The following ARMH4 variants were observed in gnomAD, a reference collection of about 807,000 sequenced individuals.
ARMH4 encodes the protein armadillo-like helical domain-containing protein 4.
In ARMH4, 49 loss-of-function variants were observed where a neutral mutation model predicts 61.9. The ratio of observed to expected loss-of-function variants is 0.79; its 90% CI spans 0.63 to 1.00. The LOEUF (loss-of-function observed/expected upper bound fraction) is 1.00, where lower values mean the gene tolerates loss of function less well. ARMH4 is among the 50% of genes least tolerant of loss of function. The pLI is 0.00. For missense variants in ARMH4, 934 were observed against 930.0 expected, an observed-to-expected ratio of 1.00 and a Z score of -0.06; for synonymous variants, 368 against 341.5, an observed-to-expected ratio of 1.08 and a Z score of -0.85.
intron 5 of ARMH4, among the ~76,000 whole-genome samples, chr14:58,078,659 G>T (rs1885125460): frequency 6.6e-6 from 1 of 152,194 alleles, no homozygotes; most frequent in South Asian, 2.1e-4. Context: ...AAATATTTTG[G>T]GTTTATGGAT....
chr14:58,125,778 C>A (rs1886876501), intron 4 of ARMH4, among the ~76,000 whole-genome samples: 1 of 152,188 alleles, frequency 6.6e-6, no homozygotes, highest in Non-Finnish European at 1.5e-5. Context: ...GTCAGCCATC[C>A]TCTCCAACAG....
At chr14:58,130,212 T>C (rs1887042112) in intron 4 of ARMH4, among the ~76,000 whole-genome samples, 1 of 152,206 alleles carries the variant, frequency 6.6e-6, no homozygotes, top group Non-Finnish European at 1.5e-5. Context: ...ATACAGTATT[T>C]ATCTTAATGT....
rs1468091763 is a variant in ARMH4, at chr14:58,018,589, T to C, written c.2090-6439A>G. Among the ~76,000 whole-genome samples, 10 of 152,168 alleles carry C rather than the reference T, an allele frequency of 6.6e-5. No individual in the cohort carries two copies. In the East Asian group the frequency reaches 1.7e-3, roughly 26 times the overall value. On this transcript the variant is annotated intron_variant, in intron 5 of 7. Transcript: ENST00000267485. ...ACAACGAGATATGAATTCACACCTATTAGAAAGGCTATTATCAAAAAGACA... is the reference window on the plus strand; with the variant it reads ...ACAACGAGATATGAATTCACACCTACTAGAAAGGCTATTATCAAAAAGACA...
At chr14:58,013,210 G>A (rs965093384) in intron 5 of ARMH4, among the ~76,000 whole-genome samples, 4 of 152,164 alleles carry the variant, frequency 2.6e-5, no homozygotes, top group Non-Finnish European at 4.4e-5. Context: ...TTTGCAGAGC[G>A]TATAGTCTCT....
chr14:58,011,999 C>A, intron 6 of ARMH4, 120 bp downstream of exon 6: 3 of 733,578 alleles, frequency 4.1e-6, no homozygotes, highest in South Asian at 1.8e-5. Context: ...TGCCCTGAAT[C>A]TTTAGATAGA....
intron 5 of ARMH4, among the ~76,000 whole-genome samples, chr14:58,018,468 C>CAA (rs71107905): frequency 1.4e-5 from 2 of 143,530 alleles, no homozygotes; most frequent in East Asian, 4.0e-4. Context: ...AGACATTTCT[C>CAA]AAAAAAAAAA....
chr14:58,132,315 C>T (rs913530699), intron 3 of ARMH4, among the ~76,000 whole-genome samples: 1 of 152,198 alleles, frequency 6.6e-6, no homozygotes, highest in African/African-American at 2.4e-5. Flanking sequence ...ATTTCAAATT[C>T]TTAAAATAAC....
intron 4 of ARMH4, among the ~76,000 whole-genome samples, chr14:58,118,579 GCCAGAAAGCCTGGCAAA>G (rs1258620792): frequency 6.6e-6 from 1 of 152,014 alleles, no homozygotes; most frequent in East Asian, 1.9e-4. Flanking sequence ...GCACTGAGGT[GCCAGAAAGCCTGGCAAA>G]GTGCCTGAAA....
At chr14:58,110,366 T>C (rs1443893800) in intron 4 of ARMH4, among the ~76,000 whole-genome samples, 1 of 152,220 alleles carries the variant, frequency 6.6e-6, no homozygotes, top group Non-Finnish European at 1.5e-5. Flanking sequence ...TCAGTATTTA[T>C]CAAGAATACA....
At chr14:58,095,522 T>C (rs1375928342) in intron 5 of ARMH4, among the ~76,000 whole-genome samples, 1 of 152,252 alleles carries the variant, frequency 6.6e-6, no homozygotes, top group African/African-American at 2.4e-5. Flanking sequence ...TATTATAATG[T>C]TTTGATACCC....
chr14:58,017,866 T>C (rs1882673263), intron 5 of ARMH4, among the ~76,000 whole-genome samples: 2 of 151,286 alleles, frequency 1.3e-5, no homozygotes, highest in South Asian at 4.1e-4. Flanking sequence ...GGCATCAAAG[T>C]ACCTAACTTC....
chr14:58,035,020 C>G (rs1308259923), intron 5 of ARMH4, among the ~76,000 whole-genome samples: 1 of 114,132 alleles, frequency 8.8e-6, no homozygotes, highest in East Asian at 3.2e-4. Context: ...ACAAGGATAC[C>G]CAGGAATTTA....
At chr14:58,029,072 C>A (rs66465046) in intron 5 of ARMH4, among the ~76,000 whole-genome samples, 9,736 of 151,968 alleles carry the variant, frequency 0.064, 426 homozygotes, top group African/African-American at 0.11. Context: ...CACAAAAAAA[C>A]CCTAGACCTA....
At chr14:58,058,450 A>C (rs1305770981) in intron 5 of ARMH4, among the ~76,000 whole-genome samples, 5 of 152,202 alleles carry the variant, frequency 3.3e-5, no homozygotes, top group Admixed American at 6.5e-5. Context: ...TTATTTCTTG[A>C]TTATGTGCTA....
chr14:58,134,153 C>T (rs995636203), intron 2 of ARMH4, among the ~76,000 whole-genome samples: 3 of 152,196 alleles, frequency 2.0e-5, no homozygotes, highest in Admixed American at 1.3e-4. Flanking sequence ...TATAACTCCA[C>T]TTTACAGAAC....
chr14:58,031,551 A>G lies in ARMH4; in HGVS notation c.2090-19401T>C, dbSNP rs17094258. ...AGTCAGCCACTTGCTCCGTGGTCCA[A>G]CATTACAGAGAAATATTTTTCCAAG... On this transcript the variant is annotated intron_variant, in intron 5 of 7. Coordinates refer to ENST00000267485, the MANE Select transcript of ARMH4 (RefSeq NM_001001872.4). 2.6e-3 allele frequency among the ~76,000 whole-genome samples: 394 copies of G among 152,320 alleles called. 10 individuals carry two copies. The East Asian group carries it at 0.054, about 21-fold the overall frequency.
At chr14:58,027,440 T>C (rs1336528687) in intron 5 of ARMH4, among the ~76,000 whole-genome samples, 1 of 152,210 alleles carries the variant, frequency 6.6e-6, no homozygotes, top group Non-Finnish European at 1.5e-5. Flanking sequence ...ATTAGTTACA[T>C]GTTCAGGGAG....
intron 5 of ARMH4, among the ~76,000 whole-genome samples, chr14:58,080,507 A>G (rs1369705317): frequency 6.6e-6 from 1 of 152,220 alleles, no homozygotes; most frequent in Admixed American, 6.5e-5. Context: ...TAGCCCTAAT[A>G]GAAGTAGATA....
At chr14:58,018,986 G>A (rs1474869018) in intron 5 of ARMH4, among the ~76,000 whole-genome samples, 8 of 152,180 alleles carry the variant, frequency 5.3e-5, no homozygotes, top group African/African-American at 1.9e-4. Flanking sequence ...GGATGAGCCT[G>A]GAGGACATTA....
Sources: gnomAD v4.1 joint callset for allele counts (sites outside exome capture counted in the v4.1 genomes callset) on GRCh38, gnomAD v4.1.1 for gene constraint, MANE v1.5 for transcripts, NCBI Gene and HGNC (gene_info 2026-07-23, HGNC 2026-07-21) for gene names.